IL12RB2: variants seen among roughly 807,000 people sequenced by gnomAD.
IL12RB2 encodes interleukin-12 receptor subunit beta-2.
In IL12RB2, 82 loss-of-function variants were observed where a neutral mutation model predicts 89.4. The ratio of observed to expected loss-of-function variants is 0.92; its 90% CI spans 0.77 to 1.10. The LOEUF (loss-of-function observed/expected upper bound fraction) is 1.10, where lower values mean the gene tolerates loss of function less well. Ranked by LOEUF, IL12RB2 falls within the 50% of genes least tolerant of loss-of-function variation. The probability of loss-of-function intolerance (pLI) is 0.00; values close to 1 mark genes in which losing one functional copy is unlikely to be tolerated. For missense variants in IL12RB2, 963 were observed against 1,031.9 expected (o/e 0.93, Z 0.92); for synonymous variants, 368 against 370.1 (o/e 0.99, Z 0.07).
At chr1:67,350,741 A>G in intron 9 of IL12RB2, 129 bp from the exon 10 acceptor site, 1 of 1,534,198 alleles carries the variant, frequency 6.5e-7, no homozygotes, top group Non-Finnish European at 8.8e-7. Flanking sequence ...AGCAGGGAAC[A>G]TGAGATGATA....
intron 6 of IL12RB2, 84 bp downstream of exon 6, chr1:67,328,468 AAGAC>A (rs1657627725): frequency 6.3e-7 from 1 of 1,599,300 alleles, no homozygotes; most frequent in Admixed American, 1.7e-5. Context: ...TGTTTCAAGA[AAGAC>A]AGAGATTGAT....
At chr1:67,314,980 T>G (rs571066033) in intron 2 of IL12RB2, among the ~76,000 whole-genome samples, 6 of 152,326 alleles carry the variant, frequency 3.9e-5, no homozygotes, top group Admixed American at 3.3e-4. Flanking sequence ...AGGCAGGGTA[T>G]GTGAAGGATG....
At chr1:67,310,900 T>A (rs1432042647) in intron 1 of IL12RB2, among the ~76,000 whole-genome samples, 1 of 152,136 alleles carries the variant, frequency 6.6e-6, no homozygotes, top group Admixed American at 6.5e-5. Flanking sequence ...AATTTTTGTA[T>A]TTTTAGTACA....
chr1:67,346,649 G>T (rs543585755), intron 9 of IL12RB2, among the ~76,000 whole-genome samples: 1 of 152,146 alleles, frequency 6.6e-6, no homozygotes, highest in African/African-American at 2.4e-5. Context: ...GCCTCCCAAA[G>T]TGCTGGGATT....
chr1:67,374,037 T>G (rs1218256343), intron 13 of IL12RB2, among the ~76,000 whole-genome samples: 1 of 152,200 alleles, frequency 6.6e-6, no homozygotes, highest in African/African-American at 2.4e-5. Flanking sequence ...CTTAGGCTGT[T>G]AACAGTCCCT....
At chr1:67,343,727 T>C (rs1435618464) in intron 9 of IL12RB2, among the ~76,000 whole-genome samples, 1 of 152,174 alleles carries the variant, frequency 6.6e-6, no homozygotes, top group African/African-American at 2.4e-5. Context: ...CATATATATA[T>C]GAAAAAGATA....
intron 10 of IL12RB2, among the ~76,000 whole-genome samples, chr1:67,360,747 G>C (rs774285844): frequency 1.3e-5 from 2 of 150,522 alleles, no homozygotes; most frequent in Non-Finnish European, 2.9e-5. Flanking sequence ...AGTGAACCAA[G>C]ATCACTCTAC....
At position 67,321,766 on chromosome 1, in the gene IL12RB2, C is replaced by T. The variant is rs865858396; in HGVS notation, c.241C>T (p.His81Tyr). Residue 81 changes from histidine (H) to tyrosine (Y), a missense_variant, in exon 4 of 17, where the codon CAT becomes TAT. His to Tyr is a moderately conservative substitution (Grantham distance 83). Transcript: ENST00000674203. ...YKFDRRINFHHGHSLNSQVTG... is the reference protein window; with the variant it reads ...YKFDRRINFHYGHSLNSQVTG... ...GTTTGACAGAAGAATCAATTTTCAC[C>T]ATGGCCACTCCCTCAATTCTCAAGT... The T allele has an allele frequency of 4.3e-6, 7 of 1,611,518 alleles. No homozygotes were observed. In the African/African-American group the frequency reaches 5.3e-5, roughly 12 times the overall value.
At chr1:67,310,579 G>A (rs1274188448) in intron 1 of IL12RB2, among the ~76,000 whole-genome samples, 1 of 152,202 alleles carries the variant, frequency 6.6e-6, no homozygotes, top group African/African-American at 2.4e-5. Context: ...AATTCTCGTA[G>A]TGTCACTGAA....
At chr1:67,334,247 A>G (rs1015872716) in intron 8 of IL12RB2, among the ~76,000 whole-genome samples, 1 of 152,230 alleles carries the variant, frequency 6.6e-6, no homozygotes, top group African/African-American at 2.4e-5. Context: ...CAAACATTTG[A>G]TAACAGTCAA....
chr1:67,383,166 C>T (rs751351194), intron 14 of IL12RB2, among the ~76,000 whole-genome samples: 2 of 152,118 alleles, frequency 1.3e-5, no homozygotes, highest in Middle Eastern at 3.2e-3. Flanking sequence ...CACAAGGTGC[C>T]AGGAGAGAGA....
At chr1:67,368,260 C>T (rs571465080) in intron 11 of IL12RB2, among the ~76,000 whole-genome samples, 8 of 152,270 alleles carry the variant, frequency 5.3e-5, no homozygotes, top group African/African-American at 1.9e-4. Context: ...TAGCACAATG[C>T]CAAAGAAGAT....
At chr1:67,375,517 T>C (rs115527563) in intron 13 of IL12RB2, among the ~76,000 whole-genome samples, 134 of 152,292 alleles carry the variant, frequency 8.8e-4, no homozygotes, top group African/African-American at 3.2e-3. Flanking sequence ...GGGCACTTTC[T>C]AGAGAGTGGT....
chr1:67,357,192 A>T (rs1314086527), intron 10 of IL12RB2, among the ~76,000 whole-genome samples: 1 of 152,100 alleles, frequency 6.6e-6, no homozygotes, highest in Non-Finnish European at 1.5e-5. Context: ...CCCTGTCTCT[A>T]CTAAAAAAAT....
At chr1:67,328,158 A>G (rs1432600300) in intron 5 of IL12RB2, 42 bp from the exon 6 acceptor site, 9 of 1,275,178 alleles carry the variant, frequency 7.1e-6, no homozygotes, top group South Asian at 1.2e-5. Context: ...AGAAAGTAGC[A>G]CATAAAACAT....
chr1:67,319,761 T>C (rs1656249743), intron 2 of IL12RB2, among the ~76,000 whole-genome samples: 2 of 152,152 alleles, frequency 1.3e-5, no homozygotes, highest in African/African-American at 4.8e-5. Context: ...CCCCCTCAAA[T>C]TTATATGTTA....
rs189133765 is a variant in IL12RB2, at chr1:67,359,049, G to A, written c.1258+7960G>A. On this transcript the variant is annotated intron_variant, in intron 10 of 16. Coordinates refer to ENST00000674203, the MANE Select transcript of IL12RB2 (RefSeq NM_001374259.2). ...CCAGCTACTCAAGAGGCTGAGGCAC[G>A]AAAATGGCTTGAGCCCAGGAGGCAG... is the stretch of plus-strand genomic sequence containing the variant. Among the ~76,000 whole-genome samples, 6 of 152,180 alleles carry A rather than the reference G, an allele frequency of 3.9e-5. No individual in the cohort carries two copies. The East Asian group carries it at 5.8e-4, about 15-fold the overall frequency.
At position 67,398,602 on chromosome 1, in the gene IL12RB2, T is replaced by A. The variant is rs924063623; in HGVS notation, c.*2513T>A. On this transcript the variant is annotated 3_prime_UTR_variant, in exon 17 of 17. Transcript: ENST00000674203. ...CTCCTCAGCATGATTTCCATATACT[T>A]ACTTTCTCTGTTGGACTGCAGACAA... Among the ~76,000 whole-genome samples, 3 of 152,014 alleles carry A rather than the reference T, an allele frequency of 2.0e-5. No homozygotes were observed. The highest frequency in any genetic ancestry group is 6.6e-5 in the Admixed American group (1 of 15,258).
rs1174863690 is a variant in IL12RB2 at position 67,313,992 on chromosome 1, CA to C, written c.-44del. 2 of 152,294 alleles carry C rather than the reference CA, an allele frequency of 1.3e-5. No individual in the cohort carries two copies. Among genetic ancestry groups the C allele is most frequent in the African/African-American group, 4.8e-5 (2 of 41,568 alleles). The allele number at this position is 152,294 out of a possible 1,614,324, so 9.4% of individuals were successfully genotyped here. On this transcript the variant is annotated 5_prime_UTR_variant, in exon 2 of 17. Coordinates refer to ENST00000674203, the MANE Select transcript of IL12RB2 (RefSeq NM_001374259.2). ...GTATATTGATCTGCTACCAGTAAAACATATCTCTGTAAGTAGCTTTGCAGGC... is the reference window on the plus strand; with the variant it reads ...GTATATTGATCTGCTACCAGTAAAACTATCTCTGTAAGTAGCTTTGCAGGC...
Sources: gnomAD v4.1 joint callset for allele counts (sites outside exome capture counted in the v4.1 genomes callset) on GRCh38, gnomAD v4.1.1 for gene constraint, MANE v1.5 for transcripts, NCBI Gene and HGNC (gene_info 2026-07-23, HGNC 2026-07-21) for gene names.